GPX5: variants seen among roughly 807,000 people sequenced by gnomAD.
GPX5 encodes the protein epididymal secretory glutathione peroxidase.
In GPX5, 20 loss-of-function variants were observed where a neutral mutation model predicts 23.8. The ratio of observed to expected loss-of-function variants is 0.84; its 90% CI spans 0.59 to 1.22. GPX5 has a LOEUF of 1.22. Ranked by LOEUF, GPX5 falls within the 50% of genes most tolerant of loss-of-function variation. The probability of loss-of-function intolerance (pLI) is 0.00; values close to 1 mark genes in which losing one functional copy is unlikely to be tolerated. For missense variants in GPX5, 230 were observed against 266.6 expected (o/e 0.86, Z 0.96); for synonymous variants, 92 against 99.5 (o/e 0.92, Z 0.45).
rs990749711 is a variant in GPX5, at chr6:28,531,640, A to G, written c.242-138A>G. 6.0e-5 allele frequency: 40 copies of G among 663,346 alleles called. No homozygotes were observed. The Admixed American group carries it at 9.9e-4, about 16-fold the overall frequency. The allele number at this position is 663,346 out of a possible 1,614,324, so 41.1% of individuals were successfully genotyped here. ...GGCCTCTAACTTCAGCTATGCTACT[A>G]ACAGCCCTTCTGATGCAGAGCTGTT... On this transcript the variant is annotated intron_variant, in intron 2 of 4. Coordinates refer to ENST00000412168, the MANE Select transcript of GPX5 (RefSeq NM_001509.3).
intron 2 of GPX5, 66 bp from the exon 3 acceptor site, chr6:28,531,701 TGGGTAACCCCA>T: frequency 1.1e-6 from 1 of 909,426 alleles, no homozygotes; most frequent in Non-Finnish European, 1.7e-6. Context: ...CTCTGTAAAA[TGGGTAACCCCA>T]GGGAATCATC....
chr6:28,531,392 AAGAAAAGAAAAG>A (rs1270032286), intron 2 of GPX5, among the ~76,000 whole-genome samples: 2,531 of 59,432 alleles, frequency 0.043, 127 homozygotes, highest in Non-Finnish European at 0.056. Context: ...AAAAAAAAAA[AAGAAAAGAAAAG>A]AAAAGAAAAG....
chr6:28,526,088 G>C lies in GPX5; in HGVS notation c.75G>C (p.Gln25His). The C allele has an allele frequency of 6.2e-7, 1 of 1,612,778 alleles. No individual in the cohort carries two copies. Among genetic ancestry groups the C allele is most frequent in the East Asian group, 2.2e-5 (1 of 44,864 alleles). The change falls in exon 1 of 5, where the codon CAG (glutamine) becomes CAC (histidine). Residue 25 changes from glutamine to histidine, a missense_variant. Transcript: ENST00000412168. ...GCTTTGTGCAAACAAGTCCCAAGCA[G>C]GAGAAGATGAAGGTGAGTGAGCTTC... ...LACFVQTSPK[Q>H]EKMKMDCHKD...
Position 28,526,087 on chromosome 6 carries a change from A to G in GPX5, c.74A>G (p.Gln25Arg). 6.2e-7 allele frequency: 1 copy of G among 1,612,822 alleles called. No homozygotes were observed. Among genetic ancestry groups the G allele is most frequent in the Non-Finnish European group, 8.5e-7 (1 of 1,179,762 alleles). ...LACFVQTSPK[Q>R]EKMKMDCHKD... ...TGCTTTGTGCAAACAAGTCCCAAGC[A>G]GGAGAAGATGAAGGTGAGTGAGCTT... The change falls in exon 1 of 5, where the codon CAG becomes CGG. Residue 25 changes from glutamine (Q) to arginine (R), a missense_variant. Gln to Arg is a conservative substitution (Grantham distance 43). Transcript: ENST00000412168.
Position 28,529,568 on chromosome 6 carries a change from G to A in GPX5, c.205G>A (p.Val69Met), listed in dbSNP as rs376708612. The change falls in exon 2 of 5, where the codon GTG (valine) becomes ATG (methionine). Residue 69 changes from valine to methionine, a missense_variant. Physicochemically the swap from Val to Met is conservative, Grantham distance 21. Transcript: ENST00000412168. ...YVGKHILFVN[V>M]ATYCGLTAQY... is the part of the protein sequence containing the mutation. ...GGGCAAGCACATCCTCTTCGTCAAC[G>A]TGGCCACCTACTGTGGTCTGACAGC... is the stretch of plus-strand genomic sequence containing the variant. 6 of 1,611,876 alleles carry A rather than the reference G, an allele frequency of 3.7e-6. No individual in the cohort carries two copies. The highest frequency in any genetic ancestry group is 1.1e-5 in the South Asian group (1 of 90,822).
rs1763330000 is a variant in GPX5, at chr6:28,531,843, C to T, written c.307C>T (p.Gln103Ter). The T allele has an allele frequency of 1.2e-6, 2 of 1,613,922 alleles. No individual in the cohort carries two copies. Among genetic ancestry groups the T allele is most frequent in the Non-Finnish European group, 1.7e-6 (2 of 1,179,862 alleles). The part of the protein sequence containing the change: ...GLVVLGFPCN[Q>*]FGKQEPGDNK... Reference sequence around the variant, plus strand: ...AGTTGTGTTGGGCTTTCCCTGCAACCAATTTGGAAAGCAAGAACCAGGAGA... The same window carrying T: ...AGTTGTGTTGGGCTTTCCCTGCAACTAATTTGGAAAGCAAGAACCAGGAGA... Residue 103 changes from glutamine to a stop codon, truncating the protein, a stop_gained, in exon 3 of 5, where the codon CAA (glutamine) becomes TAA (stop). Transcript: ENST00000412168. LOFTEE classifies it high-confidence loss of function.
Position 28,529,497 on chromosome 6 carries a change from C to G in GPX5, c.134C>G (p.Ala45Gly). 6.2e-7 allele frequency: 1 copy of G among 1,613,328 alleles called. No individual in the cohort carries two copies. Among genetic ancestry groups the G allele is most frequent in the Non-Finnish European group, 8.5e-7 (1 of 1,179,492 alleles). The change falls in exon 2 of 5, where the codon GCC (alanine) becomes GGC (glycine). Residue 45 changes from alanine to glycine, a missense_variant. By Grantham distance (60) the Ala-to-Gly change is moderately conservative. Coordinates refer to ENST00000412168, the MANE Select transcript of GPX5 (RefSeq NM_001509.3). Reference sequence around the variant, plus strand: ...AAAGGCACCATCTATGACTATGAGGCCATCGCACTTAATAAGAATGAATAT... The same window carrying G: ...AAAGGCACCATCTATGACTATGAGGGCATCGCACTTAATAAGAATGAATAT... ...DEKGTIYDYE[A>G]IALNKNEYVS...
In GPX5 at chr6:28,534,545, T is replaced by C. The variant is rs1405349295; in HGVS notation, c.*378T>C. On this transcript the variant is annotated 3_prime_UTR_variant, in exon 5 of 5. Transcript: ENST00000412168. Reference sequence around the variant, plus strand: ...CTAGACATTCTGACTCTTCCATCTCTCTCTACCCTGGAGGTGTAGAAATAG... The same window carrying C: ...CTAGACATTCTGACTCTTCCATCTCCCTCTACCCTGGAGGTGTAGAAATAG... 4 of 182,722 alleles carry C rather than the reference T, an allele frequency of 2.2e-5. No homozygotes were observed. The highest frequency in any genetic ancestry group is 1.8e-4 in the Admixed American group (3 of 16,454). The allele number at this position is 182,722 out of a possible 1,614,324, so 11.3% of individuals were successfully genotyped here. A position where few individuals can be genotyped will look rare whatever the true frequency, so the allele number is the denominator to read the frequency against.
chr6:28,527,329 C>T (rs1186126766), intron 1 of GPX5, among the ~76,000 whole-genome samples: 1 of 152,060 alleles, frequency 6.6e-6, no homozygotes, highest in African/African-American at 2.4e-5. Context: ...GATACTTTTA[C>T]ACAATATTCT....
Position 28,533,968 on chromosome 6 carries a change from G to A in GPX5, c.467G>A (p.Cys156Tyr), listed in dbSNP as rs771083393. Reference protein sequence around the residue: ...QKVFSFLKHSCPHPSEILGTF... With the variant: ...QKVFSFLKHSYPHPSEILGTF... ...TCCATCTCTCTGGTTTAGCACTCCTGTCCTCATCCCTCTGAGATTTTGGGC... is the reference window on the plus strand; with the variant it reads ...TCCATCTCTCTGGTTTAGCACTCCTATCCTCATCCCTCTGAGATTTTGGGC... The change falls in exon 5 of 5, where the codon TGT becomes TAT. Residue 156 changes from cysteine (C) to tyrosine (Y), a missense_variant. Transcript: ENST00000412168. 1 of 1,582,884 alleles carries A rather than the reference G, an allele frequency of 6.3e-7. No homozygotes were observed. The highest frequency in any genetic ancestry group is 8.6e-7 in the Non-Finnish European group (1 of 1,164,214).
At chr6:28,526,639 G>A (rs1362299361) in intron 1 of GPX5, among the ~76,000 whole-genome samples, 1 of 152,184 alleles carries the variant, frequency 6.6e-6, no homozygotes, top group Non-Finnish European at 1.5e-5. Context: ...CTTGGATTCT[G>A]GCCTCAGTTC....
intron 2 of GPX5, among the ~76,000 whole-genome samples, chr6:28,531,389 A>AAAAAAAAAAAAG (rs1763315872): frequency 1.4e-5 from 1 of 69,554 alleles, no homozygotes; most frequent in African/African-American, 6.8e-5. Flanking sequence ...AAAAAAAAAA[A>AAAAAAAAAAAAG]AAAAGAAAAG....
chr6:28,531,748 A>T, intron 2 of GPX5, 30 bp from the exon 3 acceptor site: 1 of 1,474,402 alleles, frequency 6.8e-7, no homozygotes, highest in Non-Finnish European at 9.4e-7. Context: ...ACCTCTACCT[A>T]GACCAAAATT....
chr6:28,534,417 A>C lies in GPX5; in HGVS notation c.*250A>C. On this transcript the variant is annotated 3_prime_UTR_variant, in exon 5 of 5. Transcript: ENST00000412168. ...AGACTGAAACAAATGGAAACCTAAA[A>C]TCCCCAGACCTCTGTTACAGGTTGA... The C allele has an allele frequency of 2.5e-6, 1 of 394,328 alleles. No homozygotes were observed. The highest frequency in any genetic ancestry group is 4.5e-6 in the Non-Finnish European group (1 of 222,460). 24.4% of individuals were successfully genotyped at this position (394,328 alleles called of 1,614,324 possible). A position where few individuals can be genotyped will look rare whatever the true frequency, so the allele number is the denominator to read the frequency against.
In GPX5 at chr6:28,525,983, C is replaced by A. The variant is rs553690790; in HGVS notation, c.-31C>A. 15 of 1,522,630 alleles carry A rather than the reference C, an allele frequency of 9.9e-6. No individual in the cohort carries two copies. In the African/African-American group the frequency reaches 1.8e-4, roughly 18 times the overall value. 94.3% of individuals were successfully genotyped at this position (1,522,630 alleles called of 1,614,324 possible). On this transcript the variant is annotated 5_prime_UTR_variant, in exon 1 of 5. Transcript: ENST00000412168. ...TGCAGAGGTGGGCAAAGACCTCAGG[C>A]CCCCAGACTAGCAATCTACAAACAC...
intron 2 of GPX5, among the ~76,000 whole-genome samples, chr6:28,530,784 G>C (rs953939690): frequency 3.3e-5 from 5 of 152,318 alleles, no homozygotes; most frequent in African/African-American, 1.2e-4. Flanking sequence ...GAGGGGTACT[G>C]AGGAACCCTG....
At chr6:28,531,470 C>A (rs1283920395) in intron 2 of GPX5, among the ~76,000 whole-genome samples, 2 of 151,398 alleles carry the variant, frequency 1.3e-5, no homozygotes, top group South Asian at 4.2e-4. Context: ...GACTAAGCCC[C>A]ATTTCAGAGG....
chr6:28,529,491 A>C lies in GPX5; in HGVS notation c.128A>C (p.Tyr43Ser). Reference sequence around the variant, plus strand: ...GACGAGAAAGGCACCATCTATGACTATGAGGCCATCGCACTTAATAAGAAT... The same window carrying C: ...GACGAGAAAGGCACCATCTATGACTCTGAGGCCATCGCACTTAATAAGAAT... ...HKDEKGTIYD[Y>S]EAIALNKNEY... The change falls in exon 2 of 5, where the codon TAT (tyrosine) becomes TCT (serine). Residue 43 changes from tyrosine to serine, a missense_variant. Transcript: ENST00000412168. 1 of 1,613,496 alleles carries C rather than the reference A, an allele frequency of 6.2e-7. No individual in the cohort carries two copies.
intron 1 of GPX5, among the ~76,000 whole-genome samples, chr6:28,526,722 A>C (rs989712016): frequency 5.9e-5 from 9 of 152,194 alleles, no homozygotes; most frequent in Non-Finnish European, 1.0e-4. Flanking sequence ...CAGTTTAGGA[A>C]AGGATAATAA....
Sources: allele counts gnomAD v4.1 joint callset (sites outside exome capture counted in the v4.1 genomes callset), GRCh38; gene constraint gnomAD v4.1.1; transcripts MANE v1.5; gene names NCBI Gene and HGNC (gene_info 2026-07-23, HGNC 2026-07-21).